The following SLC6A17 variants were observed in gnomAD, a reference collection of about 807,000 sequenced individuals.
SLC6A17 encodes sodium-dependent neutral amino acid transporter SLC6A17.
Under a neutral mutation model 64.5 loss-of-function variants are expected in SLC6A17, and 21 were observed. The ratio of observed to expected loss-of-function variants is 0.33; its 90% CI spans 0.23 to 0.47. The LOEUF is 0.47. Among genes scored for constraint, SLC6A17 ranks in the 20% least tolerant of loss-of-function variants. SLC6A17 has a pLI of 1.00. For synonymous variants in SLC6A17, 372 were observed against 399.5 expected (o/e 0.93, Z 0.82); for missense variants, 682 against 963.2 (o/e 0.71, Z 3.86).
At chr1:110,161,812 C>CTGGT (rs1456590828) in intron 1 of SLC6A17, among the ~76,000 whole-genome samples, 1 of 152,198 alleles carries the variant, frequency 6.6e-6, no homozygotes, top group African/African-American at 2.4e-5. Context: ...AGGCTTTGTC[C>CTGGT]TGGTGCCAGG....
intron 3 of SLC6A17, 43 bp from the exon 4 acceptor site, chr1:110,173,930 G>A (rs1346961352): frequency 6.3e-7 from 1 of 1,586,748 alleles, no homozygotes; most frequent in East Asian, 2.3e-5. Context: ...GCAGGGTGGA[G>A]TTGCCTGCAG....
chr1:110,181,999 G>T (rs1252156425), intron 6 of SLC6A17, among the ~76,000 whole-genome samples: 1 of 152,270 alleles, frequency 6.6e-6, no homozygotes, highest in East Asian at 1.9e-4. Flanking sequence ...AGCATGATCT[G>T]ACTTCTTAGG....
chr1:110,198,550 G>C lies in SLC6A17; in HGVS notation c.*106G>C. On this transcript the variant is annotated 3_prime_UTR_variant, in exon 12 of 12. Coordinates refer to ENST00000331565, the MANE Select transcript of SLC6A17 (RefSeq NM_001010898.4). ...CCACCAGGCCCAGGCCAGGCCCTTT[G>C]CCCAAGAAGAGAGGGTCTGCCCTGC... 6.7e-7 allele frequency: 1 copy of C among 1,502,134 alleles called. No individual in the cohort carries two copies. The highest frequency in any genetic ancestry group is 8.8e-7 in the Non-Finnish European group (1 of 1,131,686). 93.1% of individuals were successfully genotyped at this position (1,502,134 alleles called of 1,614,324 possible).
intron 1 of SLC6A17, among the ~76,000 whole-genome samples, chr1:110,161,184 T>C (rs1189027130): frequency 2.6e-5 from 4 of 152,166 alleles, no homozygotes; most frequent in African/African-American, 9.7e-5. Flanking sequence ...TAAAAATAAT[T>C]TGTGTCTCTG....
intron 5 of SLC6A17, among the ~76,000 whole-genome samples, chr1:110,175,810 C>G (rs903657328): frequency 6.6e-6 from 1 of 152,206 alleles, no homozygotes; most frequent in Non-Finnish European, 1.5e-5. Flanking sequence ...GTAGCTGATG[C>G]TTTGTGGCAC....
intron 8 of SLC6A17, 57 bp from the exon 9 acceptor site, chr1:110,194,522 A>AGTGGGCTCCCCC: frequency 6.4e-7 from 1 of 1,564,264 alleles, no homozygotes; most frequent in South Asian, 1.1e-5. Flanking sequence ...GGAAGGAAGC[A>AGTGGGCTCCCCC]GTGGGCTCCC....
At chr1:110,155,215 C>A (rs1018591574) in intron 1 of SLC6A17, among the ~76,000 whole-genome samples, 1 of 152,222 alleles carries the variant, frequency 6.6e-6, no homozygotes, top group African/African-American at 2.4e-5. Flanking sequence ...ACCCTTGCTT[C>A]ATAGGCAGCC....
intron 6 of SLC6A17, among the ~76,000 whole-genome samples, chr1:110,181,949 T>C (rs1386417212): frequency 6.6e-6 from 1 of 152,204 alleles, no homozygotes; most frequent in African/African-American, 2.4e-5. Flanking sequence ...ACATTTACTC[T>C]GGTGAAAAGG....
intron 1 of SLC6A17, among the ~76,000 whole-genome samples, chr1:110,165,169 C>T (rs11580468): frequency 0.034 from 5,162 of 152,248 alleles, 138 homozygotes; most frequent in Non-Finnish European, 0.044. Flanking sequence ...GAGAGGAGCT[C>T]GCCCTGGCAG....
At chr1:110,151,652 GA>G (rs1655610952) in intron 1 of SLC6A17, among the ~76,000 whole-genome samples, 1 of 152,220 alleles carries the variant, frequency 6.6e-6, no homozygotes, top group Non-Finnish European at 1.5e-5. Flanking sequence ...GGCTGCCTTG[GA>G]AAGAAGCGTG....
chr1:110,198,434 C>A lies in SLC6A17; in HGVS notation c.2174C>A (p.Ser725Ter). ...SGYLLASTPE[S>*]EL is the part of the protein sequence containing the mutation. ...TACCTGCTGGCCAGCACCCCTGAGT[C>A]GGAGCTGTGACCACTGCCCAAGCCC... The change falls in exon 12 of 12, where the codon TCG becomes TAG. Residue 725 changes from serine (S) to a stop codon, truncating the protein, a stop_gained. Coordinates refer to ENST00000331565, the MANE Select transcript of SLC6A17 (RefSeq NM_001010898.4). LOFTEE classifies it high-confidence loss of function. The A allele has an allele frequency of 6.2e-7, 1 of 1,607,350 alleles. No individual in the cohort carries two copies. Among genetic ancestry groups the A allele is most frequent in the South Asian group, 1.1e-5 (1 of 90,216 alleles).
intron 1 of SLC6A17, among the ~76,000 whole-genome samples, chr1:110,162,301 G>C (rs545182701): frequency 1.3e-5 from 2 of 152,214 alleles, no homozygotes; most frequent in Non-Finnish European, 2.9e-5. Context: ...CTTACCTTTC[G>C]CATCCATTGT....
chr1:110,151,277 T>G (rs541149314), intron 1 of SLC6A17, among the ~76,000 whole-genome samples: 7 of 152,198 alleles, frequency 4.6e-5, no homozygotes, highest in Non-Finnish European at 1.0e-4. Flanking sequence ...AGGGCGCAGT[T>G]CCACTGGGAG....
intron 5 of SLC6A17, among the ~76,000 whole-genome samples, chr1:110,175,389 C>T (rs555899467): frequency 2.9e-4 from 44 of 152,262 alleles, no homozygotes; most frequent in Non-Finnish European, 4.7e-4. Context: ...AGCAGGTAGA[C>T]GCTATGAGTG....
chr1:110,155,346 T>TA (rs1487960885), intron 1 of SLC6A17, among the ~76,000 whole-genome samples: 1 of 152,208 alleles, frequency 6.6e-6, no homozygotes, highest in East Asian at 1.9e-4. Context: ...AATACATAGT[T>TA]AGACGTTCAA....
At chr1:110,194,853 C>A in intron 9 of SLC6A17, 82 bp downstream of exon 9, 1 of 1,522,898 alleles carries the variant, frequency 6.6e-7, no homozygotes, top group Non-Finnish European at 8.9e-7. Flanking sequence ...TGACTGGGTC[C>A]TTCATGACCC....
intron 6 of SLC6A17, among the ~76,000 whole-genome samples, chr1:110,188,466 TCA>T (rs1203638628): frequency 6.6e-6 from 1 of 152,168 alleles, no homozygotes; most frequent in Non-Finnish European, 1.5e-5. Flanking sequence ...TCCGGCATAC[TCA>T]TCCCCAGCAG....
At chr1:110,174,155 C>G in intron 4 of SLC6A17, 56 bp downstream of exon 4, 1 of 1,598,810 alleles carries the variant, frequency 6.3e-7, no homozygotes, top group Non-Finnish European at 8.5e-7. Context: ...GAAGGGGTCT[C>G]ACAAGCTTAG....
Position 110,199,233 on chromosome 1 carries a change from C to G in SLC6A17, c.*789C>G, listed in dbSNP as rs1310105706. 1 of 152,514 alleles carries G rather than the reference C, an allele frequency of 6.6e-6. No homozygotes were observed. The highest frequency in any genetic ancestry group is 2.4e-5 in the African/African-American group (1 of 41,452). The allele number at this position is 152,514 out of a possible 1,614,324, so 9.4% of individuals were successfully genotyped here. ...AGAACCTTCCCCACCTCAATTAGGGCTTAGCCATCTCCCTGTCCCCAGCAC... is the reference window on the plus strand; with the variant it reads ...AGAACCTTCCCCACCTCAATTAGGGGTTAGCCATCTCCCTGTCCCCAGCAC... On this transcript the variant is annotated 3_prime_UTR_variant, in exon 12 of 12. Coordinates refer to ENST00000331565, the MANE Select transcript of SLC6A17 (RefSeq NM_001010898.4).
Sources: allele counts gnomAD v4.1 joint callset (sites outside exome capture counted in the v4.1 genomes callset), GRCh38; gene constraint gnomAD v4.1.1; transcripts MANE v1.5; gene names NCBI Gene and HGNC (gene_info 2026-07-23, HGNC 2026-07-21).